PLPP1: variants seen among roughly 807,000 people sequenced by gnomAD.
The protein encoded by PLPP1 is lipid phosphate phosphohydrolase 1a.
A neutral mutation model predicts 31.2 loss-of-function variants in PLPP1; 24 were observed. The observed-to-expected ratio is 0.77, with a 90% CI of 0.56 to 1.08. PLPP1 has a LOEUF of 1.08. PLPP1 is among the 50% of genes least tolerant of loss of function. The pLI, the probability that PLPP1 is intolerant of heterozygous loss-of-function variation, is 0.00. For synonymous variants in PLPP1, 146 were observed against 126.3 expected, an observed-to-expected ratio of 1.16 and a Z score of -1.05; for missense variants, 319 against 342.7, an observed-to-expected ratio of 0.93 and a Z score of 0.55.
intron 1 of PLPP1, among the ~76,000 whole-genome samples, chr5:55,494,381 G>C (rs765675004): frequency 1.3e-5 from 2 of 152,124 alleles, no homozygotes; most frequent in Non-Finnish European, 2.9e-5. Context: ...GGCACTTCAG[G>C]GTTTGGACAT....
At chr5:55,482,012 TTATAAGATCTATAAATATATATTTATTTA>T (rs1752675808) in intron 1 of PLPP1, among the ~76,000 whole-genome samples, 1 of 147,900 alleles carries the variant, frequency 6.8e-6, no homozygotes, top group African/African-American at 2.5e-5. Flanking sequence ...ATTTTTATTT[TTATAAGATCTATAAATATATATTTATTTA>T]TATAAGATAC....
chr5:55,433,817 A>G (rs1751426928), intron 4 of PLPP1, among the ~76,000 whole-genome samples: 1 of 151,580 alleles, frequency 6.6e-6, no homozygotes, highest in South Asian at 2.1e-4. Flanking sequence ...TTTCTATACA[A>G]CAATAGTGAA....
intron 3 of PLPP1, among the ~76,000 whole-genome samples, chr5:55,449,777 C>G (rs1367167280): frequency 6.6e-6 from 1 of 152,014 alleles, no homozygotes; most frequent in Non-Finnish European, 1.5e-5. Flanking sequence ...ATTTTTATAA[C>G]TAATGCAGCT....
chr5:55,518,032 G>C (rs561261961), intron 1 of PLPP1, among the ~76,000 whole-genome samples: 1 of 152,010 alleles, frequency 6.6e-6, no homozygotes, highest in Non-Finnish European at 1.5e-5. Flanking sequence ...TTTTAGTAGA[G>C]ATAGGGTTTC....
intron 4 of PLPP1, among the ~76,000 whole-genome samples, chr5:55,441,267 T>C (rs1751614842): frequency 6.6e-6 from 1 of 152,200 alleles, no homozygotes; most frequent in Non-Finnish European, 1.5e-5. Context: ...AAATGCAAAT[T>C]GCTATGCTGC....
At chr5:55,507,123 T>C (rs1753297390) in intron 1 of PLPP1, among the ~76,000 whole-genome samples, 1 of 152,190 alleles carries the variant, frequency 6.6e-6, no homozygotes, top group South Asian at 2.1e-4. Flanking sequence ...TCATTAGATG[T>C]CCAAGAGTAA....
chr5:55,458,915 A>AAAAAAAAC (rs1561231077), intron 3 of PLPP1, among the ~76,000 whole-genome samples: 8 of 148,952 alleles, frequency 5.4e-5, no homozygotes, highest in African/African-American at 1.7e-4. Context: ...AAAAAAAAAA[A>AAAAAAAAC]ACACATAGCA....
At position 55,472,716 on chromosome 5, in the gene PLPP1, G is replaced by C. The variant is rs977690314; in HGVS notation, c.210+2583C>G. On this transcript the variant is annotated intron_variant, in intron 2 of 5. Coordinates refer to ENST00000307259, the MANE Select transcript of PLPP1 (RefSeq NM_003711.4). ...AGAAAGAGAGAGAAAAAGAGAAAGA[G>C]AGAGAGAAGAGGAAGAGGAGGAAGA... 5.9e-5 allele frequency among the ~76,000 whole-genome samples: 9 copies of C among 151,262 alleles called. 1 individual carries two copies. The South Asian group carries it at 1.3e-3, about 21-fold the overall frequency.
chr5:55,502,684 G>A (rs1416713708), intron 1 of PLPP1, among the ~76,000 whole-genome samples: 2 of 151,926 alleles, frequency 1.3e-5, no homozygotes, highest in Admixed American at 6.6e-5. Context: ...AGATCTAGGG[G>A]GTTAAAAATA....
At chr5:55,502,512 C>CT (rs1753170316) in intron 1 of PLPP1, among the ~76,000 whole-genome samples, 1 of 151,538 alleles carries the variant, frequency 6.6e-6, no homozygotes, top group Non-Finnish European at 1.5e-5. Flanking sequence ...ATGTCCAATA[C>CT]AATGTGTTGT....
At chr5:55,441,995 A>C in intron 3 of PLPP1, 87 bp from the exon 4 acceptor site, 2 of 1,306,214 alleles carry the variant, frequency 1.5e-6, no homozygotes, top group Non-Finnish European at 2.2e-6. Flanking sequence ...TTAGTTTCAG[A>C]GTGTACACAA....
At chr5:55,453,553 T>C (rs950768447) in intron 3 of PLPP1, among the ~76,000 whole-genome samples, 2 of 152,224 alleles carry the variant, frequency 1.3e-5, no homozygotes, top group African/African-American at 2.4e-5. Flanking sequence ...CTCAAATTTC[T>C]TTTTCCATTA....
At chr5:55,516,467 T>TTA (rs774567970) in intron 1 of PLPP1, among the ~76,000 whole-genome samples, 29 of 152,226 alleles carry the variant, frequency 1.9e-4, no homozygotes, top group Non-Finnish European at 7.3e-5. Flanking sequence ...ATTTGTATGA[T>TTA]TACTTGTATC....
At chr5:55,517,894 C>G (rs1753585090) in intron 1 of PLPP1, among the ~76,000 whole-genome samples, 1 of 152,250 alleles carries the variant, frequency 6.6e-6, no homozygotes, top group South Asian at 2.1e-4. Context: ...GCTGCCCAGG[C>G]TGGAGTGCAG....
chr5:55,528,355 C>T (rs765038248), intron 1 of PLPP1, among the ~76,000 whole-genome samples: 24 of 152,194 alleles, frequency 1.6e-4, no homozygotes, highest in Non-Finnish European at 3.1e-4. Context: ...TCAAAGGGAA[C>T]ATATTCCAAA....
chr5:55,533,253 G>T (rs147166333), intron 1 of PLPP1, among the ~76,000 whole-genome samples: 1 of 151,498 alleles, frequency 6.6e-6, no homozygotes, highest in South Asian at 2.1e-4. Context: ...GCATGGTGGC[G>T]GTGCCTGTAA....
rs1177603042 is a variant in PLPP1 at position 55,502,832 on chromosome 5, A to C, written c.59-27382T>G. The stretch of plus-strand genomic sequence containing the variant: ...ATTGTGAGCCAGTGCTCAGAAAAAA[A>C]AACTCCCCCACGTGCATACATTTAG... On this transcript the variant is annotated intron_variant, in intron 1 of 5. Coordinates refer to ENST00000307259, the MANE Select transcript of PLPP1 (RefSeq NM_003711.4). Among the ~76,000 whole-genome samples the C allele has an allele frequency of 5.9e-5, 9 of 152,286 alleles. 1 individual carries two copies. In the South Asian group the frequency reaches 1.9e-3, roughly 32 times the overall value.
chr5:55,512,922 A>T (rs990600314), intron 1 of PLPP1, among the ~76,000 whole-genome samples: 17 of 152,262 alleles, frequency 1.1e-4, no homozygotes, highest in Non-Finnish European at 2.4e-4. Flanking sequence ...AAGACAAGGC[A>T]GGATAGTGAA....
At chr5:55,427,785 G>T (rs1217235107) in intron 4 of PLPP1, among the ~76,000 whole-genome samples, 2 of 140,608 alleles carry the variant, frequency 1.4e-5, no homozygotes, top group African/African-American at 2.6e-5. Context: ...TGGGGGGGGG[G>T]ATGTGGGAGG....
Sources: gnomAD v4.1 joint callset for allele counts (sites outside exome capture counted in the v4.1 genomes callset) on GRCh38, gnomAD v4.1.1 for gene constraint, MANE v1.5 for transcripts, NCBI Gene and HGNC (gene_info 2026-07-23, HGNC 2026-07-21) for gene names.